Variants in THSD7B observed in about 807,000 individuals in gnomAD.
THSD7B encodes the protein thrombospondin type-1 domain-containing protein 7B.
Under a neutral mutation model 213.6 loss-of-function variants are expected in THSD7B, and 138 were observed. The ratio of observed to expected loss-of-function variants is 0.65; its 90% CI spans 0.56 to 0.74. The LOEUF (loss-of-function observed/expected upper bound fraction) is 0.74, where lower values mean the gene tolerates loss of function less well. Ranked by LOEUF, THSD7B falls within the 30% of genes least tolerant of loss-of-function variation. The pLI, the probability that THSD7B is intolerant of heterozygous loss-of-function variation, is 0.00. For missense variants in THSD7B, 1,931 were observed against 1,991.5 expected (o/e 0.97, Z 0.58); for synonymous variants, 742 against 687.0 (o/e 1.08, Z -1.25).
intron 6 of THSD7B, among the ~76,000 whole-genome samples, chr2:137,166,312 T>C (rs1573863397): frequency 1.3e-5 from 2 of 152,320 alleles, no homozygotes; most frequent in East Asian, 1.9e-4. Context: ...ATTAGAGATA[T>C]ATAAGAGAAT....
In THSD7B at chr2:137,605,085, A is replaced by G. The variant is rs1682146686; in HGVS notation, c.3424-11090A>G. ...TAGAGAGCATCTTCTCACCTCCCAG[A>G]TTCTGTTCACATTTCAATAAGGCCT... On this transcript the variant is annotated intron_variant, in intron 17 of 27. Coordinates refer to ENST00000409968, the MANE Select transcript of THSD7B (RefSeq NM_001316349.2). Among the ~76,000 whole-genome samples the G allele has an allele frequency of 2.6e-5, 4 of 152,168 alleles. No individual in the cohort carries two copies. The South Asian group carries it at 8.3e-4, about 31-fold the overall frequency.
chr2:136,861,606 CCAG>C (rs1683260263), intron 1 of THSD7B, among the ~76,000 whole-genome samples: 1 of 152,168 alleles, frequency 6.6e-6, no homozygotes, highest in Non-Finnish European at 1.5e-5. Context: ...CTTTAATCCA[CCAG>C]CAGAATAATC....
At chr2:136,903,946 GTGTGTGTGTGTGTGTGTGTGTGTGTGTT>G (rs1402467717) in intron 2 of THSD7B, among the ~76,000 whole-genome samples, 5 of 52,694 alleles carry the variant, frequency 9.5e-5, no homozygotes, top group Admixed American at 2.8e-4. Flanking sequence ...GTGTGTGTGT[GTGTGTGTGTGTGTGTGTGTGTGTGTGTT>G]TGTTTGTTTC....
chr2:137,044,735 TTTC>T (rs762325277), intron 2 of THSD7B, among the ~76,000 whole-genome samples: 1 of 152,218 alleles, frequency 6.6e-6, no homozygotes, highest in Non-Finnish European at 1.5e-5. Context: ...TATACTCATC[TTTC>T]TTCTTGTGAT....
intron 1 of THSD7B, among the ~76,000 whole-genome samples, chr2:136,817,763 A>T (rs1682499465): frequency 6.6e-6 from 1 of 151,470 alleles, no homozygotes; most frequent in African/African-American, 2.4e-5. Flanking sequence ...TCTCAAAAGA[A>T]GACATTTATG....
At chr2:137,363,606 A>T (rs1251404952) in intron 12 of THSD7B, among the ~76,000 whole-genome samples, 1 of 152,230 alleles carries the variant, frequency 6.6e-6, no homozygotes, top group Non-Finnish European at 1.5e-5. Context: ...AATACTATAA[A>T]CAGCTCTACG....
At chr2:136,862,360 T>G (rs968355515) in intron 1 of THSD7B, among the ~76,000 whole-genome samples, 1 of 152,188 alleles carries the variant, frequency 6.6e-6, no homozygotes, top group Admixed American at 6.5e-5. Flanking sequence ...TAAATCAGTT[T>G]CAGGTATTAT....
chr2:136,889,353 G>A (rs1204161164), intron 2 of THSD7B, among the ~76,000 whole-genome samples: 1 of 151,998 alleles, frequency 6.6e-6, no homozygotes, highest in Non-Finnish European at 1.5e-5. Flanking sequence ...TAGGTAATAT[G>A]CTCATGATTG....
intron 20 of THSD7B, among the ~76,000 whole-genome samples, chr2:137,626,228 C>T (rs1329645881): frequency 6.6e-6 from 1 of 152,034 alleles, no homozygotes; most frequent in African/African-American, 2.4e-5. Context: ...TTTGGGAGGC[C>T]GAGGCGGGCG....
chr2:137,655,612 C>G lies in THSD7B; in HGVS notation c.4057C>G (p.Pro1353Ala), dbSNP rs779640669. 6.2e-7 allele frequency: 1 copy of G among 1,612,806 alleles called. No homozygotes were observed. The highest frequency in any genetic ancestry group is 1.3e-5 in the African/African-American group (1 of 74,896). ...CGAGGATGCACTGTGTGGAGAAATG[C>G]CCTTTCAGGACAGCATCCTGAAGCA... is the stretch of plus-strand genomic sequence containing the variant. ...RVEDALCGEM[P>A]FQDSILKQLC... Residue 1353 changes from proline to alanine, a missense_variant, in exon 22 of 28, where the codon CCC (proline) becomes GCC (alanine). Pro to Ala is a conservative substitution (Grantham distance 27). Transcript: ENST00000409968.
intron 12 of THSD7B, among the ~76,000 whole-genome samples, chr2:137,307,610 G>A (rs1683786083): frequency 6.6e-6 from 1 of 152,056 alleles, no homozygotes; most frequent in African/African-American, 2.4e-5. Flanking sequence ...AATGTTAAAT[G>A]TGTCCCTAAA....
intron 15 of THSD7B, among the ~76,000 whole-genome samples, chr2:137,474,720 A>G (rs1011794103): frequency 2.0e-5 from 3 of 152,174 alleles, no homozygotes; most frequent in Non-Finnish European, 2.9e-5. Context: ...GTCCCTTAAA[A>G]TTCTTAGTCA....
intron 15 of THSD7B, among the ~76,000 whole-genome samples, chr2:137,489,140 T>C (rs574211460): frequency 4.6e-5 from 7 of 152,118 alleles, no homozygotes; most frequent in Admixed American, 1.3e-4. Context: ...CTTAGGAAAA[T>C]GTTGGGCTGG....
chr2:137,224,281 T>C (rs1681447516), intron 7 of THSD7B, among the ~76,000 whole-genome samples: 1 of 152,214 alleles, frequency 6.6e-6, no homozygotes, highest in African/African-American at 2.4e-5. Context: ...GATTGAGCCT[T>C]CTGTAGCCAG....
In THSD7B at chr2:137,205,278, C is replaced by T. The variant is rs146804962; in HGVS notation, c.1724-25766C>T. On this transcript the variant is annotated intron_variant, in intron 7 of 27. Coordinates refer to ENST00000409968, the MANE Select transcript of THSD7B (RefSeq NM_001316349.2). The stretch of plus-strand genomic sequence containing the variant: ...GTATTTAAAAGACTGTCACATAGAA[C>T]ATGTGTTAACTTGTACTCTGTGGTC... Among the ~76,000 whole-genome samples, 944 of 152,110 alleles carry T rather than the reference C, an allele frequency of 6.2e-3. 7 individuals carry two copies. The highest frequency in any genetic ancestry group is 0.037 in the Middle Eastern group (11 of 294).
At chr2:137,125,764 G>A (rs1307463507) in intron 5 of THSD7B, among the ~76,000 whole-genome samples, 4 of 152,072 alleles carry the variant, frequency 2.6e-5, no homozygotes, top group African/African-American at 9.7e-5. Flanking sequence ...TACTGTCTAT[G>A]GCAGGTGTAG....
chr2:137,331,315 T>A (rs993848668), intron 12 of THSD7B, among the ~76,000 whole-genome samples: 1 of 151,960 alleles, frequency 6.6e-6, no homozygotes, highest in African/African-American at 2.4e-5. Flanking sequence ...GGGTGCTGAT[T>A]GGTGTATTTA....
chr2:137,316,199 T>A (rs1454811899), intron 12 of THSD7B, among the ~76,000 whole-genome samples: 1 of 152,172 alleles, frequency 6.6e-6, no homozygotes, highest in East Asian at 1.9e-4. Flanking sequence ...CCTGCATGTG[T>A]GGGCGAAAAA....
chr2:136,810,514 A>G (rs991677430), intron 1 of THSD7B, among the ~76,000 whole-genome samples: 3 of 152,212 alleles, frequency 2.0e-5, no homozygotes, highest in Non-Finnish European at 4.4e-5. Flanking sequence ...GTGAAACTAT[A>G]AAAGATACAT....
Sources: gnomAD v4.1 joint callset for allele counts (sites outside exome capture counted in the v4.1 genomes callset) on GRCh38, gnomAD v4.1.1 for gene constraint, MANE v1.5 for transcripts, NCBI Gene and HGNC (gene_info 2026-07-23, HGNC 2026-07-21) for gene names.